Variants in SWT1 observed in about 807,000 individuals in gnomAD.
The protein encoded by SWT1 is transcriptional protein SWT1.
In SWT1, 33 loss-of-function variants were observed where a neutral mutation model predicts 107.3. The observed-to-expected ratio is 0.31, with a 90% CI of 0.23 to 0.41. The LOEUF (loss-of-function observed/expected upper bound fraction) is 0.41, where lower values mean the gene tolerates loss of function less well. Among genes scored for constraint, SWT1 ranks in the 10% least tolerant of loss-of-function variants. SWT1 has a pLI of 1.00. For synonymous variants in SWT1, 345 were observed against 348.3 expected (o/e 0.99, Z 0.11); for missense variants, 898 against 1,028.9 (o/e 0.87, Z 1.74).
At position 185,174,885 on chromosome 1, in the gene SWT1, A is replaced by G; in HGVS notation, c.738A>G (p.Lys246=). The change falls in exon 5 of 19, where the codon AAA becomes AAG. Residue 246 remains lysine (K), a synonymous_variant. Transcript: ENST00000367500. ...IPIKSRDTLQ[K]LVEENVFNID... ...TAAAATCCCGTGACACCCTCCAGAA[A>G]CTTGTAGAAGAAAATGTCTTCAACA... The G allele has an allele frequency of 6.2e-7, 1 of 1,614,064 alleles. No homozygotes were observed. Among genetic ancestry groups the G allele is most frequent in the African/African-American group, 1.3e-5 (1 of 75,038 alleles).
intron 16 of SWT1, among the ~76,000 whole-genome samples, chr1:185,267,822 T>G (rs1358743599): frequency 1.3e-5 from 2 of 152,210 alleles, no homozygotes; most frequent in Non-Finnish European, 2.9e-5. Flanking sequence ...ATTTTAGGAC[T>G]TTCATTCAAA....
chr1:185,252,017 TC>T (rs1180629887), intron 16 of SWT1, among the ~76,000 whole-genome samples: 1 of 151,824 alleles, frequency 6.6e-6, no homozygotes. Context: ...ATTGTTCAAT[TC>T]CCACCTATGA....
At chr1:185,237,199 G>A (rs978249805) in intron 16 of SWT1, among the ~76,000 whole-genome samples, 7 of 152,112 alleles carry the variant, frequency 4.6e-5, no homozygotes, top group African/African-American at 1.7e-4. Flanking sequence ...TCCCGTTCCT[G>A]GGTATATATC....
chr1:185,184,309 A>G lies in SWT1; in HGVS notation c.1205A>G (p.Lys402Arg), dbSNP rs763771963. Residue 402 changes from lysine to arginine, a missense_variant, in exon 8 of 19, where the codon AAA becomes AGA. By Grantham distance (26) the Lys-to-Arg change is conservative. Around this residue, in one of 6 missense-constraint regions of SWT1, gnomAD observed 94 missense variants for 114.5 expected, o/e 0.82. Coordinates refer to ENST00000367500, the MANE Select transcript of SWT1 (RefSeq NM_017673.7). ...IDTNILMNHLKFVRILKTTEV... is the reference protein window; with the variant it reads ...IDTNILMNHLRFVRILKTTEV... ...ACAAATATTCTGATGAATCATCTCA[A>G]ATTTGTTAGAATTTTGAAGACAACA... 1.3e-6 allele frequency: 2 copies of G among 1,568,700 alleles called. No homozygotes were observed. Among genetic ancestry groups the G allele is most frequent in the South Asian group, 1.2e-5 (1 of 86,374 alleles).
At chr1:185,278,174 C>A (rs1664374350) in intron 18 of SWT1, among the ~76,000 whole-genome samples, 1 of 152,168 alleles carries the variant, frequency 6.6e-6, no homozygotes, top group South Asian at 2.1e-4. Context: ...GAAGCCTTTG[C>A]TGTGGGCTAA....
intron 7 of SWT1, 27 bp downstream of exon 7, chr1:185,182,084 C>T (rs766658567): frequency 1.3e-6 from 2 of 1,583,520 alleles, no homozygotes; most frequent in Non-Finnish European, 8.6e-7. Flanking sequence ...GATGTGTATG[C>T]TCCCCTATGC....
intron 2 of SWT1, 54 bp downstream of exon 2, chr1:185,160,979 A>T: frequency 7.7e-7 from 1 of 1,306,252 alleles, no homozygotes; most frequent in Non-Finnish European, 1.1e-6. Flanking sequence ...TTTTTGCTTA[A>T]TGAAAAAAAT....
chr1:185,261,884 T>C (rs1357336846), intron 16 of SWT1, among the ~76,000 whole-genome samples: 2 of 152,226 alleles, frequency 1.3e-5, no homozygotes, highest in African/African-American at 2.4e-5. Context: ...TTTAATGTTG[T>C]TGATCTATTG....
chr1:185,179,278 A>G (rs1350672627), intron 5 of SWT1, among the ~76,000 whole-genome samples: 1 of 152,196 alleles, frequency 6.6e-6, no homozygotes, highest in African/African-American at 2.4e-5. Context: ...CAAAAAAAGA[A>G]AAGAAGAGTG....
intron 10 of SWT1, among the ~76,000 whole-genome samples, chr1:185,192,179 CAATT>C (rs1391823467): frequency 5.9e-5 from 9 of 152,314 alleles, no homozygotes; most frequent in Admixed American, 2.0e-4. Context: ...ACCAGCAATA[CAATT>C]AATATCTCCA....
chr1:185,191,252 C>T (rs1211408887), intron 10 of SWT1, among the ~76,000 whole-genome samples: 2 of 152,150 alleles, frequency 1.3e-5, no homozygotes, highest in Non-Finnish European at 2.9e-5. Context: ...CTCCCTTCCC[C>T]CTGCTTCTTC....
chr1:185,210,326 G>T (rs1394846189), intron 13 of SWT1, among the ~76,000 whole-genome samples: 3 of 152,064 alleles, frequency 2.0e-5, no homozygotes, highest in Non-Finnish European at 4.4e-5. Flanking sequence ...TATTGCCTAG[G>T]TTTTCTTCTA....
At chr1:185,263,111 A>G (rs1215905270) in intron 16 of SWT1, among the ~76,000 whole-genome samples, 1 of 152,094 alleles carries the variant, frequency 6.6e-6, no homozygotes, top group Non-Finnish European at 1.5e-5. Context: ...TTATTAGGAC[A>G]CTATTCAGAT....
At chr1:185,236,712 G>A (rs1182418966) in intron 16 of SWT1, among the ~76,000 whole-genome samples, 3 of 152,122 alleles carry the variant, frequency 2.0e-5, no homozygotes, top group Non-Finnish European at 4.4e-5. Context: ...AGCCAAAATA[G>A]ACCAATGGGT....
At chr1:185,211,797 G>A (rs1658830635) in intron 13 of SWT1, among the ~76,000 whole-genome samples, 1 of 152,076 alleles carries the variant, frequency 6.6e-6, no homozygotes, top group Admixed American at 6.6e-5. Context: ...CAAAGACTTG[G>A]AACCAACCCA....
intron 16 of SWT1, among the ~76,000 whole-genome samples, chr1:185,260,321 GCTTTT>G (rs368234776): frequency 1.7e-4 from 26 of 152,268 alleles, no homozygotes; most frequent in African/African-American, 5.3e-4. Context: ...GAGTACTCAT[GCTTTT>G]CTTTTACTGG....
chr1:185,220,951 GTATT>G (rs1028121758), intron 14 of SWT1, among the ~76,000 whole-genome samples: 2 of 152,156 alleles, frequency 1.3e-5, no homozygotes, highest in Non-Finnish European at 2.9e-5. Context: ...TTGCTTCCGA[GTATT>G]TGTTTGACTT....
chr1:185,175,329 C>T (rs1558013771), intron 5 of SWT1, among the ~76,000 whole-genome samples: 1 of 151,888 alleles, frequency 6.6e-6, no homozygotes, highest in African/African-American at 2.4e-5. Flanking sequence ...TGGGTTCAAG[C>T]AATCCTCCTG....
At chr1:185,237,941 A>T (rs1475838055) in intron 16 of SWT1, among the ~76,000 whole-genome samples, 1 of 152,008 alleles carries the variant, frequency 6.6e-6, no homozygotes, top group African/African-American at 2.4e-5. Context: ...AGCACTAGGG[A>T]TAAGAAAAGA....
Sources: gnomAD v4.1 joint callset for allele counts (sites outside exome capture counted in the v4.1 genomes callset) on GRCh38, gnomAD v4.1.1 for gene constraint, gnomAD v4.1.1 regional missense constraint, MANE v1.5 for transcripts, NCBI Gene and HGNC (gene_info 2026-07-23, HGNC 2026-07-21) for gene names.